DNAH9: variants seen among roughly 807,000 people sequenced by gnomAD.
DNAH9 encodes dynein axonemal heavy chain 9, also known as DNAH9 variant protein.
DNAH9 carries 345 observed loss-of-function variants against 471.6 expected under a neutral mutation model. The observed-to-expected ratio is 0.73, with a 90% CI of 0.67 to 0.80. The LOEUF is 0.80. Ranked by LOEUF, DNAH9 falls within the 30% of genes least tolerant of loss-of-function variation. The pLI is 0.00. For synonymous variants in DNAH9, 2,093 were observed against 2,123.6 expected (o/e 0.99, Z 0.40); for missense variants, 5,407 against 5,609.2 (o/e 0.96, Z 1.15).
chr17:11,949,651 T>C (rs1975288069), intron 67 of DNAH9, among the ~76,000 whole-genome samples: 1 of 152,128 alleles, frequency 6.6e-6, no homozygotes, highest in African/African-American at 2.4e-5. Flanking sequence ...CTGGCTAATT[T>C]TGTATTTTCA....
In DNAH9 at chr17:11,705,212, G is replaced by T; in HGVS notation, c.5552+27G>T. On this transcript the variant is annotated intron_variant, in intron 26 of 68. Transcript: ENST00000262442. ...TGAGCACTGGTGTCAACCACTGACA[G>T]CCTTACTGCTGTCTGGTTCAGGCCA... 3.7e-6 allele frequency: 6 copies of T among 1,608,974 alleles called. No individual in the cohort carries two copies. The South Asian group carries it at 6.6e-5, about 18-fold the overall frequency.
intron 1 of DNAH9, among the ~76,000 whole-genome samples, chr17:11,605,756 C>T (rs1298998532): frequency 6.6e-6 from 1 of 151,212 alleles, no homozygotes; most frequent in African/African-American, 2.4e-5. Flanking sequence ...CTGCCCTCCT[C>T]AGCCTCTCAG....
At chr17:11,727,077 A>AAAAAAAC (rs2075167459) in intron 27 of DNAH9, among the ~76,000 whole-genome samples, 4 of 118,020 alleles carry the variant, frequency 3.4e-5, no homozygotes, top group Non-Finnish European at 7.2e-5. Flanking sequence ...AAAAAAAAAA[A>AAAAAAAC]CCCGCTGAAT....
intron 53 of DNAH9, among the ~76,000 whole-genome samples, chr17:11,878,905 AT>A (rs1469203648): frequency 7.2e-5 from 11 of 152,178 alleles, no homozygotes; most frequent in African/African-American, 2.4e-4. Flanking sequence ...TTACATGGAA[AT>A]CCAATCAATT....
chr17:11,690,215 G>C lies in DNAH9; in HGVS notation c.4393G>C (p.Asp1465His), dbSNP rs1042462436. ...PRTNVPLLCSDEDLIEVLEDN... is the reference protein window; with the variant it reads ...PRTNVPLLCSHEDLIEVLEDN... ...GACCAATGTCCCCCTCCTGTGCTCT[G>C]ATGAGGACCTCATAGAGGTTCTGGA... Residue 1465 changes from aspartate (D) to histidine (H), a missense_variant, in exon 20 of 69, where the codon GAT becomes CAT. Transcript: ENST00000262442. The C allele has an allele frequency of 6.2e-7, 1 of 1,614,090 alleles. No individual in the cohort carries two copies. Among genetic ancestry groups the C allele is most frequent in the African/African-American group, 1.3e-5 (1 of 74,942 alleles).
intron 15 of DNAH9, among the ~76,000 whole-genome samples, chr17:11,667,442 C>A (rs1003458496): frequency 6.6e-6 from 1 of 152,076 alleles, no homozygotes; most frequent in Non-Finnish European, 1.5e-5. Context: ...TTGGGACTGT[C>A]CTGAGTCCAA....
intron 61 of DNAH9, among the ~76,000 whole-genome samples, chr17:11,923,202 A>G (rs190765099): frequency 5.7e-4 from 87 of 152,108 alleles, no homozygotes; most frequent in South Asian, 2.3e-3. Flanking sequence ...CAGCCTCCCT[A>G]GTAGCTGGGA....
intron 38 of DNAH9, among the ~76,000 whole-genome samples, chr17:11,772,789 C>A (rs1968262562): frequency 6.6e-6 from 1 of 152,188 alleles, no homozygotes. Flanking sequence ...TCCATAACCT[C>A]TCCTGTCCAG....
intron 14 of DNAH9, among the ~76,000 whole-genome samples, chr17:11,655,459 GT>G (rs1460366778): frequency 6.6e-6 from 1 of 151,350 alleles, no homozygotes; most frequent in Non-Finnish European, 1.5e-5. Flanking sequence ...CTGTTCAGTG[GT>G]TTTTGTCTAA....
intron 41 of DNAH9, 40 bp downstream of exon 41, chr17:11,784,579 A>T (rs1290607496): frequency 6.2e-7 from 1 of 1,613,046 alleles, no homozygotes; most frequent in Non-Finnish European, 8.5e-7. Flanking sequence ...GGGCTTAGTG[A>T]TTATCCAGAT....
intron 39 of DNAH9, 42 bp from the exon 40 acceptor site, chr17:11,783,604 A>G (rs776757179): frequency 1.3e-5 from 19 of 1,517,534 alleles, no homozygotes; most frequent in Non-Finnish European, 4.6e-6. Flanking sequence ...CACCTGCCTC[A>G]GTCCTCAGAC....
intron 20 of DNAH9, among the ~76,000 whole-genome samples, chr17:11,692,432 T>C (rs1459400347): frequency 6.6e-6 from 1 of 152,224 alleles, no homozygotes; most frequent in East Asian, 1.9e-4. Flanking sequence ...TCAATGATAC[T>C]GTGAGTGTGT....
intron 10 of DNAH9, 44 bp downstream of exon 10, chr17:11,640,428 G>C: frequency 1.6e-6 from 2 of 1,266,816 alleles, no homozygotes; most frequent in Non-Finnish European, 2.3e-6. Context: ...TTGGGCTGCT[G>C]TTCCTGCTCT....
intron 62 of DNAH9, among the ~76,000 whole-genome samples, chr17:11,925,686 G>A (rs1597834530): frequency 1.3e-5 from 2 of 152,130 alleles, no homozygotes; most frequent in South Asian, 4.2e-4. Flanking sequence ...GCATCTATTG[G>A]CCATGCAGGG....
In DNAH9 at chr17:11,608,304, C is replaced by T. The variant is rs779732832; in HGVS notation, c.593C>T (p.Ala198Val). 4 of 1,609,644 alleles carry T rather than the reference C, an allele frequency of 2.5e-6. No individual in the cohort carries two copies. Among genetic ancestry groups the T allele is most frequent in the South Asian group, 2.2e-5 (2 of 90,982 alleles). ...GCAGGCTCAGAAAAAATGGAGTTTGCGGATTCCAAAAGTGAGACAGTGTAA... is the reference window on the plus strand; with the variant it reads ...GCAGGCTCAGAAAAAATGGAGTTTGTGGATTCCAAAAGTGAGACAGTGTAA... Reference protein sequence around the residue: ...LPAGSEKMEFADSKSETVLDS... With the variant: ...LPAGSEKMEFVDSKSETVLDS... The change falls in exon 2 of 69, where the codon GCG becomes GTG. Residue 198 changes from alanine (A) to valine (V), a missense_variant. Around this residue, in one of 3 missense-constraint regions of DNAH9, gnomAD observed 767 missense variants for 692.5 expected, o/e 1.11. Coordinates refer to ENST00000262442, the MANE Select transcript of DNAH9 (RefSeq NM_001372.4).
chr17:11,664,297 G>A (rs1026694894), intron 14 of DNAH9, among the ~76,000 whole-genome samples: 2 of 151,922 alleles, frequency 1.3e-5, no homozygotes, highest in African/African-American at 4.8e-5. Flanking sequence ...GAGTGAGAGA[G>A]AGAGAGAGAG....
chr17:11,775,587 C>T (rs1342432287), intron 38 of DNAH9, among the ~76,000 whole-genome samples: 2 of 138,196 alleles, frequency 1.4e-5, no homozygotes, highest in East Asian at 4.6e-4. Flanking sequence ...TTCTCAAAAT[C>T]AGATGTTCTT....
At chr17:11,781,802 A>G (rs563146708) in intron 39 of DNAH9, among the ~76,000 whole-genome samples, 3 of 145,942 alleles carry the variant, frequency 2.1e-5, no homozygotes, top group African/African-American at 7.9e-5. Flanking sequence ...ACTGCACTCC[A>G]GCCTGGGCAA....
At chr17:11,815,545 T>C (rs966883723) in intron 45 of DNAH9, among the ~76,000 whole-genome samples, 1 of 152,142 alleles carries the variant, frequency 6.6e-6, no homozygotes, top group Non-Finnish European at 1.5e-5. Flanking sequence ...TCCCAGCACT[T>C]TGGGAGGCCA....
Sources: allele counts gnomAD v4.1 joint callset (sites outside exome capture counted in the v4.1 genomes callset), GRCh38; gene constraint gnomAD v4.1.1; regional missense constraint gnomAD v4.1.1; transcripts MANE v1.5; gene names NCBI Gene and HGNC (gene_info 2026-07-23, HGNC 2026-07-21).